MLIP: variants seen among roughly 807,000 people sequenced by gnomAD.
MLIP encodes muscular LMNA interacting protein, also known as muscular LMNA-interacting protein.
MLIP carries 79 observed loss-of-function variants against 84.8 expected under a neutral mutation model. The observed-to-expected ratio is 0.93, with a 90% CI of 0.78 to 1.12. MLIP has a LOEUF of 1.12. MLIP is among the 50% of genes most tolerant of loss of function. The pLI is 0.00. For synonymous variants in MLIP, 504 were observed against 463.0 expected, an observed-to-expected ratio of 1.09 and a Z score of -1.14; for missense variants, 1,257 against 1,160.6, an observed-to-expected ratio of 1.08 and a Z score of -1.21.
At chr6:54,256,855 C>T (rs1360117119) in intron 12 of MLIP, among the ~76,000 whole-genome samples, 1 of 152,070 alleles carries the variant, frequency 6.6e-6, no homozygotes, top group African/African-American at 2.4e-5. Flanking sequence ...CCAGTAAGTA[C>T]TGTCTATAGA....
At chr6:54,131,187 GATGTCTGGATATGTCTGAGCC>G (rs1256494172) in intron 3 of MLIP, among the ~76,000 whole-genome samples, 1 of 152,180 alleles carries the variant, frequency 6.6e-6, no homozygotes, top group African/African-American at 2.4e-5. Context: ...CTGTAGATCA[GATGTCTGGATATGTCTGAGCC>G]ATGTTCTTTG....
chr6:54,192,167 A>G (rs1279672263), intron 10 of MLIP, among the ~76,000 whole-genome samples: 1 of 151,988 alleles, frequency 6.6e-6, no homozygotes, highest in Non-Finnish European at 1.5e-5. Flanking sequence ...ATTTCTCTGC[A>G]TTTACTTAAG....
chr6:54,027,358 T>C (rs968442836), intron 1 of MLIP, among the ~76,000 whole-genome samples: 2 of 144,196 alleles, frequency 1.4e-5, no homozygotes, highest in Non-Finnish European at 3.0e-5. Context: ...TATGTTTTTA[T>C]TTGGAATAAA....
intron 13 of MLIP, 108 bp from the exon 14 acceptor site, chr6:54,265,842 C>A: frequency 9.8e-7 from 1 of 1,017,168 alleles, no homozygotes; most frequent in Non-Finnish European, 1.5e-6. Context: ...TAGTATAAAC[C>A]ATTTTTTTGT....
chr6:54,146,673 G>C (rs939558706), intron 4 of MLIP, among the ~76,000 whole-genome samples: 1 of 152,210 alleles, frequency 6.6e-6, no homozygotes, highest in African/African-American at 2.4e-5. Flanking sequence ...TCAGATGAGG[G>C]AGTTGAACCA....
chr6:54,215,468 T>A (rs1779793584), intron 11 of MLIP: 2 of 1,091,734 alleles, frequency 1.8e-6, no homozygotes, highest in Middle Eastern at 7.0e-4. Context: ...TGCTTTCATC[T>A]TTATTGCAGT....
rs149078846 is a variant in MLIP, at chr6:54,036,626, C to T, written c.63+17535C>T. ...AATGTGGCAAAAGGAAACTTTTGTA[C>T]ATTTCTGGTGGGAATATGAATTGGT... On this transcript the variant is annotated intron_variant, in intron 1 of 12. Coordinates refer to the MLIP transcript ENST00000274897. Among the ~76,000 whole-genome samples, 59 of 151,992 alleles carry T rather than the reference C, an allele frequency of 3.9e-4. No homozygotes were observed. The East Asian group carries it at 9.9e-3, about 25-fold the overall frequency.
intron 4 of MLIP, among the ~76,000 whole-genome samples, chr6:54,140,757 A>G (rs982297589): frequency 1.3e-5 from 2 of 152,208 alleles, no homozygotes; most frequent in African/African-American, 4.8e-5. Flanking sequence ...TGGATGTGGA[A>G]TAGATAAATC....
intron 8 of MLIP, among the ~76,000 whole-genome samples, chr6:54,161,699 T>G (rs932484591): frequency 7.2e-5 from 11 of 151,916 alleles, no homozygotes; most frequent in Admixed American, 1.3e-4. Context: ...AATTTTCAAT[T>G]GGAATATTAT....
chr6:54,186,691 T>C (rs1777429336), intron 9 of MLIP, among the ~76,000 whole-genome samples: 1 of 152,138 alleles, frequency 6.6e-6, no homozygotes. Flanking sequence ...TTGTGAGAAC[T>C]CACTCTCCAT....
chr6:54,210,512 C>G (rs1175518994), intron 11 of MLIP, among the ~76,000 whole-genome samples: 2 of 148,344 alleles, frequency 1.3e-5, no homozygotes, highest in African/African-American at 5.3e-5. Context: ...CTATAAAATT[C>G]TTCCTTGTTT....
chr6:54,070,146 A>T (rs1766395201), intron 1 of MLIP, among the ~76,000 whole-genome samples: 1 of 152,136 alleles, frequency 6.6e-6, no homozygotes, highest in Admixed American at 6.6e-5. Flanking sequence ...AATGTGGGCC[A>T]TTGCTGATAC....
intron 1 of MLIP, among the ~76,000 whole-genome samples, chr6:54,091,425 C>T (rs1767867777): frequency 6.6e-6 from 1 of 152,064 alleles, no homozygotes; most frequent in Non-Finnish European, 1.5e-5. Context: ...ATCAGCATAT[C>T]CAATATAGGC....
upstream of MLIP, among the ~76,000 whole-genome samples, chr6:54,108,939 CACTT>C (rs1160238466): frequency 6.6e-6 from 1 of 151,726 alleles, no homozygotes; most frequent in Non-Finnish European, 1.5e-5. Flanking sequence ...TCTGGACTGT[CACTT>C]CTTCTTGGAG....
intron 3 of MLIP, among the ~76,000 whole-genome samples, chr6:54,133,110 G>A (rs886171032): frequency 9.2e-5 from 14 of 152,106 alleles, no homozygotes; most frequent in African/African-American, 3.4e-4. Flanking sequence ...AATAGGGGAT[G>A]AGGGGTGTGA....
intron 4 of MLIP, among the ~76,000 whole-genome samples, chr6:54,144,403 C>T (rs1041381107): frequency 1.3e-5 from 2 of 152,170 alleles, no homozygotes; most frequent in Non-Finnish European, 2.9e-5. Flanking sequence ...TTTACTGCAC[C>T]GGTCCCCAAC....
intron 1 of MLIP, among the ~76,000 whole-genome samples, chr6:54,096,760 A>G (rs1006679048): frequency 2.0e-5 from 3 of 152,126 alleles, no homozygotes; most frequent in Non-Finnish European, 4.4e-5. Flanking sequence ...CTCTGCATCT[A>G]TCTCCAGATA....
At chr6:54,183,357 T>G (rs1049965808) in intron 9 of MLIP, among the ~76,000 whole-genome samples, 2 of 152,202 alleles carry the variant, frequency 1.3e-5, no homozygotes, top group African/African-American at 4.8e-5. Context: ...ATTACTTATT[T>G]CATTTTATAT....
intron 1 of MLIP, chr6:54,045,549 T>C (rs987416649): frequency 3.3e-5 from 5 of 152,134 alleles, no homozygotes; most frequent in African/African-American, 1.2e-4. Flanking sequence ...TTGATATGGT[T>C]TGGATTTGTG....
Sources: allele counts gnomAD v4.1 joint callset (sites outside exome capture counted in the v4.1 genomes callset), GRCh38; gene constraint gnomAD v4.1.1; transcripts MANE v1.5; gene names NCBI Gene and HGNC (gene_info 2026-07-23, HGNC 2026-07-21).